KSR2: variants seen among roughly 807,000 people sequenced by gnomAD.
KSR2 encodes kinase suppressor of ras 2.
Under a neutral mutation model 107.8 loss-of-function variants are expected in KSR2, and 25 were observed. That is an observed-to-expected ratio of 0.23 (90% CI 0.17 to 0.32). The LOEUF is 0.32. KSR2 is among the 10% of genes least tolerant of loss of function. The pLI is 1.00. For synonymous variants in KSR2, 480 were observed against 507.0 expected (o/e 0.95, Z 0.71); for missense variants, 887 against 1,268.9 (o/e 0.70, Z 4.57).
intron 1 of KSR2, among the ~76,000 whole-genome samples, chr12:117,872,163 A>C: frequency 6.6e-6 from 1 of 152,160 alleles, no homozygotes; most frequent in African/African-American, 2.4e-5. Flanking sequence ...TAGCCTCAAT[A>C]ATAACCCCAT....
chr12:117,736,721 G>A (rs1887954737), intron 4 of KSR2, among the ~76,000 whole-genome samples: 1 of 151,718 alleles, frequency 6.6e-6, no homozygotes, highest in African/African-American at 2.4e-5. Context: ...GCTGAGGTGG[G>A]AGGATCGCCT....
At chr12:117,906,619 C>A (rs7954783) in intron 1 of KSR2, among the ~76,000 whole-genome samples, 6,415 of 151,680 alleles carry the variant, frequency 0.042, 199 homozygotes, top group African/African-American at 0.089. Flanking sequence ...AAAAAAAAAA[C>A]TGCTTGCCTT....
At chr12:117,713,672 AACAGG>A (rs1886877018) in intron 4 of KSR2, among the ~76,000 whole-genome samples, 1 of 152,210 alleles carries the variant, frequency 6.6e-6, no homozygotes, top group South Asian at 2.1e-4. Flanking sequence ...GGAAGGACAG[AACAGG>A]ACAGGAAAGA....
chr12:117,625,125 A>G (rs4767584), intron 5 of KSR2, among the ~76,000 whole-genome samples: 136,377 of 152,084 alleles, frequency 0.9, 61,311 homozygotes, highest in East Asian at 0.99. Flanking sequence ...GGGTTTTCTA[A>G]TATACAATCA....
chr12:117,958,392 T>C (rs894021622), intron 1 of KSR2, among the ~76,000 whole-genome samples: 2 of 152,190 alleles, frequency 1.3e-5, no homozygotes, highest in Non-Finnish European at 2.9e-5. Flanking sequence ...TCCTAAACTT[T>C]TGCATATCCT....
intron 1 of KSR2, among the ~76,000 whole-genome samples, chr12:117,937,316 T>C (rs1330296115): frequency 2.6e-5 from 4 of 152,166 alleles, no homozygotes; most frequent in African/African-American, 9.7e-5. Flanking sequence ...ATTTCAAATG[T>C]ATTTCCGTTT....
At chr12:117,736,032 C>T (rs906375645) in intron 4 of KSR2, among the ~76,000 whole-genome samples, 2 of 152,162 alleles carry the variant, frequency 1.3e-5, no homozygotes, top group African/African-American at 2.4e-5. Flanking sequence ...CCTCCAGAAA[C>T]GGTAGGGAAA....
At chr12:117,846,847 G>A (rs548443758) in intron 3 of KSR2, among the ~76,000 whole-genome samples, 6 of 152,320 alleles carry the variant, frequency 3.9e-5, no homozygotes, top group Admixed American at 2.6e-4. Flanking sequence ...ACTGAACAGT[G>A]CAGGTCTGGG....
At chr12:117,960,797 C>CTTTTTTTTTTTTTTTT (rs57298583) in intron 1 of KSR2, among the ~76,000 whole-genome samples, 1 of 138,762 alleles carries the variant, frequency 7.2e-6, no homozygotes. Context: ...TTTCTTTTTC[C>CTTTTTTTTTTTTTTTT]TTTTTTTTTT....
At chr12:117,860,735 T>C (rs938858526) in intron 1 of KSR2, among the ~76,000 whole-genome samples, 5 of 152,154 alleles carry the variant, frequency 3.3e-5, no homozygotes, top group Non-Finnish European at 5.9e-5. Context: ...TTCTTTTGTT[T>C]TGACATGGAG....
At position 117,880,133 on chromosome 12, in the gene KSR2, C is replaced by T. The variant is rs986916400; in HGVS notation, c.181-19702G>A. On this transcript the variant is annotated intron_variant, in intron 1 of 19. Transcript: ENST00000339824. The stretch of plus-strand genomic sequence containing the variant: ...TGCACTCCAGCCTGGGCAACAAGAG[C>T]GAAATTCCATCTCAAAAAACAAACA... Among the ~76,000 whole-genome samples the T allele has an allele frequency of 8.6e-5, 13 of 151,962 alleles. No individual in the cohort carries two copies. The East Asian group carries it at 1.4e-3, about 16-fold the overall frequency.
intron 3 of KSR2, among the ~76,000 whole-genome samples, chr12:117,844,855 T>C (rs894770661): frequency 6.6e-6 from 1 of 152,144 alleles, no homozygotes; most frequent in Admixed American, 6.6e-5. Context: ...TTTTCTTTTC[T>C]CAAAAACCTG....
intron 4 of KSR2, among the ~76,000 whole-genome samples, chr12:117,742,285 T>C (rs1489875473): frequency 2.6e-5 from 4 of 152,188 alleles, no homozygotes; most frequent in Admixed American, 2.6e-4. Flanking sequence ...TCAAGGGTGT[T>C]ATTGGGACAA....
At chr12:117,850,846 A>G (rs758134605) in intron 3 of KSR2, among the ~76,000 whole-genome samples, 2 of 151,910 alleles carry the variant, frequency 1.3e-5, no homozygotes, top group Non-Finnish European at 2.9e-5. Context: ...AACCATTACT[A>G]TGTGCTAGAT....
In KSR2 at chr12:117,455,020, C is replaced by T. The variant is rs947677772; in HGVS notation, c.*12179G>A. The T allele has an allele frequency of 8.2e-6, 1 of 122,292 alleles. No homozygotes were observed. The highest frequency in any genetic ancestry group is 1.7e-5 in the Non-Finnish European group (1 of 60,266). The allele number at this position is 122,292 out of a possible 1,614,324, so 7.6% of individuals were successfully genotyped here. On this transcript the variant is annotated 3_prime_UTR_variant, in exon 20 of 20. Transcript: ENST00000339824. ...AGGCAGGCAGAGACAGAGACAGACA[C>T]AGAGACAGACAGACAGAGAGAGAGA...
intron 7 of KSR2, among the ~76,000 whole-genome samples, chr12:117,569,203 G>A (rs535993555): frequency 6.6e-6 from 1 of 152,308 alleles, no homozygotes; most frequent in Admixed American, 6.5e-5. Context: ...ACATAGGAGA[G>A]CAGAATGCAC....
rs1555225255 is a variant in KSR2, at chr12:117,656,958, A to ATATAT, written c.1171+10515_1171+10516insATATA. 6.6e-4 allele frequency among the ~76,000 whole-genome samples: 58 copies of ATATAT among 87,884 alleles called. 2 individuals are homozygous for ATATAT. Among genetic ancestry groups the ATATAT allele is most frequent in the Non-Finnish European group, 9.4e-4 (48 of 50,802 alleles). The allele number at this position is 87,884 out of a possible 152,430, so 57.7% of individuals were successfully genotyped here. A position where few individuals can be genotyped will look rare whatever the true frequency, so the allele number is the denominator to read the frequency against. ...TATAATAGGATATATATATATATAT[A>ATATAT]ATAGGATATATATATATAATAGGAT... is the stretch of plus-strand genomic sequence containing the variant. On this transcript the variant is annotated intron_variant, in intron 5 of 19. Coordinates refer to ENST00000339824, the MANE Select transcript of KSR2 (RefSeq NM_173598.6).
At chr12:117,686,574 G>T (rs1042470290) in intron 4 of KSR2, among the ~76,000 whole-genome samples, 1 of 152,010 alleles carries the variant, frequency 6.6e-6, no homozygotes, top group African/African-American at 2.4e-5. Context: ...GGATAAAAAA[G>T]CTCATTGTCA....
chr12:117,622,775 C>T (rs1029024986), intron 5 of KSR2, among the ~76,000 whole-genome samples: 15 of 152,146 alleles, frequency 9.9e-5, no homozygotes, highest in Non-Finnish European at 2.2e-4. Context: ...GATAATTTCC[C>T]AAACCCATCC....
Sources: allele counts gnomAD v4.1 joint callset (sites outside exome capture counted in the v4.1 genomes callset), GRCh38; gene constraint gnomAD v4.1.1; transcripts MANE v1.5; gene names NCBI Gene and HGNC (gene_info 2026-07-23, HGNC 2026-07-21).